Variants in ADAM12 observed in about 807,000 individuals in gnomAD.
ADAM12 encodes disintegrin and metalloproteinase domain-containing protein 12.
ADAM12 carries 70 observed loss-of-function variants against 106.4 expected under a neutral mutation model. That is an observed-to-expected ratio of 0.66 (90% CI 0.54 to 0.80). ADAM12 has a LOEUF of 0.80. Among genes scored for constraint, ADAM12 ranks in the 30% least tolerant of loss-of-function variants. The pLI, the probability that ADAM12 is intolerant of heterozygous loss-of-function variation, is 0.00. For missense variants in ADAM12, 1,010 were observed against 1,171.9 expected, an observed-to-expected ratio of 0.86 and a Z score of 2.02; for synonymous variants, 420 against 433.5, an observed-to-expected ratio of 0.97 and a Z score of 0.39.
chr10:126,252,195 G>C (rs1401031580), intron 3 of ADAM12, among the ~76,000 whole-genome samples: 1 of 21,904 alleles, frequency 4.6e-5, no homozygotes, highest in African/African-American at 1.8e-4. Context: ...TGGATGGGAT[G>C]GATGAGATGG....
chr10:126,018,521 A>G (rs1391544318), intron 22 of ADAM12, among the ~76,000 whole-genome samples: 6 of 152,204 alleles, frequency 3.9e-5, no homozygotes, highest in African/African-American at 1.4e-4. Flanking sequence ...CAATCTCAAG[A>G]GCACAGACAA....
chr10:126,348,061 T>G (rs1329332172), intron 1 of ADAM12, among the ~76,000 whole-genome samples: 1 of 152,070 alleles, frequency 6.6e-6, no homozygotes, highest in African/African-American at 2.4e-5. Context: ...CTGGGGCAAT[T>G]GAGAAAGGAG....
chr10:126,165,248 A>T (rs1957003852), intron 3 of ADAM12, among the ~76,000 whole-genome samples: 1 of 152,034 alleles, frequency 6.6e-6, no homozygotes, highest in South Asian at 2.1e-4. Flanking sequence ...GCTCACTGCG[A>T]CATCTACCTC....
chr10:126,022,111 TCA>T (rs1488092491), intron 21 of ADAM12, among the ~76,000 whole-genome samples: 1 of 152,218 alleles, frequency 6.6e-6, no homozygotes, highest in Non-Finnish European at 1.5e-5. Flanking sequence ...GAGGTATGTA[TCA>T]CAATATATTT....
At chr10:126,273,562 C>T (rs1039900625) in intron 3 of ADAM12, among the ~76,000 whole-genome samples, 2 of 152,038 alleles carry the variant, frequency 1.3e-5, no homozygotes, top group Admixed American at 6.6e-5. Flanking sequence ...AGTCCAATCC[C>T]TGGGCATGTC....
intron 1 of ADAM12, among the ~76,000 whole-genome samples, chr10:126,349,597 A>T (rs910619058): frequency 6.6e-6 from 1 of 152,162 alleles, no homozygotes; most frequent in Non-Finnish European, 1.5e-5. Flanking sequence ...CAGGAATCCA[A>T]ATATATCCAC....
intron 3 of ADAM12, among the ~76,000 whole-genome samples, chr10:126,264,469 T>C (rs1055646350): frequency 2.6e-5 from 4 of 152,220 alleles, no homozygotes; most frequent in African/African-American, 9.6e-5. Context: ...AAGAAAATCA[T>C]AGAAGAAAAT....
intron 3 of ADAM12, among the ~76,000 whole-genome samples, chr10:126,203,888 T>C (rs916297124): frequency 1.3e-5 from 2 of 152,168 alleles, no homozygotes; most frequent in African/African-American, 2.4e-5. Context: ...CTCTCTGTGG[T>C]AGATGTATTC....
At chr10:126,210,430 A>C (rs1957878574) in intron 3 of ADAM12, among the ~76,000 whole-genome samples, 1 of 152,220 alleles carries the variant, frequency 6.6e-6, no homozygotes, top group African/African-American at 2.4e-5. Flanking sequence ...CGACCCTGGC[A>C]GGTCCCAATC....
chr10:126,133,447 G>T (rs1352395550), intron 5 of ADAM12, among the ~76,000 whole-genome samples: 1 of 152,128 alleles, frequency 6.6e-6, no homozygotes, highest in Non-Finnish European at 1.5e-5. Flanking sequence ...CCGTGGAAAG[G>T]TCTCTCGACT....
chr10:126,366,519 G>A (rs933404413), intron 1 of ADAM12, among the ~76,000 whole-genome samples: 6 of 151,930 alleles, frequency 3.9e-5, no homozygotes, highest in African/African-American at 1.4e-4. Context: ...AGGGAAAAAA[G>A]CAAAAACATA....
intron 3 of ADAM12, among the ~76,000 whole-genome samples, chr10:126,211,623 T>C (rs1234059038): frequency 6.6e-6 from 1 of 151,884 alleles, no homozygotes; most frequent in Non-Finnish European, 1.5e-5. Context: ...TCTCTACCTC[T>C]TGAACCATGT....
intron 9 of ADAM12, 77 bp from the exon 10 acceptor site, chr10:126,098,577 A>C: frequency 1.6e-6 from 2 of 1,214,558 alleles, no homozygotes. Flanking sequence ...ATTCTGTTGG[A>C]TATTCCTGCA....
At chr10:126,069,356 T>C (rs941926555) in intron 12 of ADAM12, among the ~76,000 whole-genome samples, 1 of 152,132 alleles carries the variant, frequency 6.6e-6, no homozygotes, top group Non-Finnish European at 1.5e-5. Context: ...GAACTTTGGA[T>C]GAGGGGAATG....
intron 9 of ADAM12, among the ~76,000 whole-genome samples, chr10:126,099,985 T>C (rs1246667588): frequency 1.4e-5 from 2 of 141,928 alleles, no homozygotes; most frequent in Admixed American, 6.7e-5. Flanking sequence ...TTCCTTTTTT[T>C]TTTAAGTATA....
chr10:126,180,418 C>A (rs887708214), intron 3 of ADAM12, among the ~76,000 whole-genome samples: 2 of 152,160 alleles, frequency 1.3e-5, no homozygotes, highest in African/African-American at 2.4e-5. Context: ...TCGGTACTCA[C>A]GTGTGTTCAT....
intron 1 of ADAM12, among the ~76,000 whole-genome samples, chr10:126,336,051 A>G (rs1208661849): frequency 6.6e-6 from 1 of 152,226 alleles, no homozygotes; most frequent in Admixed American, 6.5e-5. Flanking sequence ...TGTATCCTGG[A>G]TGGGACTGAG....
chr10:126,339,545 T>C (rs1854844193), intron 1 of ADAM12, among the ~76,000 whole-genome samples: 1 of 152,196 alleles, frequency 6.6e-6, no homozygotes, highest in Non-Finnish European at 1.5e-5. Flanking sequence ...TACTTCTAGA[T>C]AGCCTCATCA....
chr10:126,341,201 A>G (rs1411693859), intron 1 of ADAM12, among the ~76,000 whole-genome samples: 3 of 152,134 alleles, frequency 2.0e-5, no homozygotes, highest in African/African-American at 7.2e-5. Flanking sequence ...GCCTACAGCC[A>G]CTATCAGTAT....
Sources: gnomAD v4.1 joint callset for allele counts (sites outside exome capture counted in the v4.1 genomes callset) on GRCh38, gnomAD v4.1.1 for gene constraint, MANE v1.5 for transcripts, NCBI Gene and HGNC (gene_info 2026-07-23, HGNC 2026-07-21) for gene names.